The following DIP2B variants were observed in gnomAD, a reference collection of about 807,000 sequenced individuals.
DIP2B encodes the protein disco-interacting protein 2 homolog B.
In DIP2B, 76 loss-of-function variants were observed where a neutral mutation model predicts 198.0. The ratio of observed to expected loss-of-function variants is 0.38; its 90% CI spans 0.32 to 0.46. The LOEUF (loss-of-function observed/expected upper bound fraction) is 0.46, where lower values mean the gene tolerates loss of function less well. DIP2B is among the 20% of genes least tolerant of loss of function. The pLI is 0.99. For synonymous variants in DIP2B, 701 were observed against 739.1 expected, an observed-to-expected ratio of 0.95 and a Z score of 0.84; for missense variants, 1,559 against 1,978.4, an observed-to-expected ratio of 0.79 and a Z score of 4.02.
intron 1 of DIP2B, among the ~76,000 whole-genome samples, chr12:50,561,394 T>C (rs543264464): frequency 6.6e-6 from 1 of 152,222 alleles, no homozygotes; most frequent in South Asian, 2.1e-4. Flanking sequence ...CTTTATTCAC[T>C]ACCTCCATCT....
intron 1 of DIP2B, among the ~76,000 whole-genome samples, chr12:50,525,956 T>C (rs1958160676): frequency 6.6e-6 from 1 of 152,214 alleles, no homozygotes; most frequent in Non-Finnish European, 1.5e-5. Flanking sequence ...CACTCTCTTT[T>C]ACTTTCTTTT....
chr12:50,517,238 G>T (rs1188452573), intron 1 of DIP2B, among the ~76,000 whole-genome samples: 1 of 151,558 alleles, frequency 6.6e-6, no homozygotes, highest in Admixed American at 6.6e-5. Flanking sequence ...GTTTTAATTA[G>T]ATTTTTTTTT....
intron 3 of DIP2B, among the ~76,000 whole-genome samples, chr12:50,653,328 C>CTTTTTTTTTTTTTTTTTTCT (rs71086465): frequency 8.6e-6 from 1 of 116,290 alleles, no homozygotes; most frequent in Non-Finnish European, 1.7e-5. Context: ...GTCTTTCTTT[C>CTTTTTTTTTTTTTTTTTTCT]TTTTTTTTTT....
chr12:50,512,932 G>A (rs971022167), intron 1 of DIP2B, among the ~76,000 whole-genome samples: 2 of 152,134 alleles, frequency 1.3e-5, no homozygotes, highest in African/African-American at 4.8e-5. Flanking sequence ...GCTTGAACCC[G>A]GGAGGCGGAG....
At chr12:50,532,957 G>C (rs1485446899) in intron 1 of DIP2B, among the ~76,000 whole-genome samples, 2 of 152,190 alleles carry the variant, frequency 1.3e-5, no homozygotes, top group Non-Finnish European at 2.9e-5. Context: ...GTTTTTCAGT[G>C]ATCTATTTCT....
chr12:50,729,748 T>TA (rs1390538425), intron 30 of DIP2B, among the ~76,000 whole-genome samples: 3 of 143,442 alleles, frequency 2.1e-5, no homozygotes, highest in South Asian at 2.2e-4. Flanking sequence ...TTTTTTTTTT[T>TA]AATCAGTGTC....
At chr12:50,713,751 T>A (rs569681586) in intron 22 of DIP2B, among the ~76,000 whole-genome samples, 2 of 152,154 alleles carry the variant, frequency 1.3e-5, no homozygotes, top group African/African-American at 4.8e-5. Context: ...CCAAAACAAA[T>A]TTCTAGGTTT....
intron 3 of DIP2B, among the ~76,000 whole-genome samples, chr12:50,647,310 G>A (rs1425208428): frequency 6.6e-6 from 1 of 152,186 alleles, no homozygotes; most frequent in African/African-American, 2.4e-5. Flanking sequence ...AGGTGACACA[G>A]AAGAGGGAGA....
At chr12:50,566,879 G>A (rs571601903) in intron 1 of DIP2B, among the ~76,000 whole-genome samples, 1 of 151,894 alleles carries the variant, frequency 6.6e-6, no homozygotes, top group African/African-American at 2.4e-5. Context: ...GGCTGAGGCA[G>A]GAGAATGGTG....
chr12:50,680,434 G>A (rs1186166159), intron 8 of DIP2B, among the ~76,000 whole-genome samples: 1 of 152,134 alleles, frequency 6.6e-6, no homozygotes. Flanking sequence ...ACCAGGATGA[G>A]CATCTGGTGA....
chr12:50,705,520 T>G (rs1302902781), intron 20 of DIP2B, among the ~76,000 whole-genome samples: 1 of 152,246 alleles, frequency 6.6e-6, no homozygotes, highest in Non-Finnish European at 1.5e-5. Flanking sequence ...TGCAACACTT[T>G]CACTTATTGG....
Position 50,718,194 on chromosome 12 carries a change from G to A in DIP2B, c.2852-515G>A, listed in dbSNP as rs373303002. Among the ~76,000 whole-genome samples, 222 of 152,222 alleles carry A rather than the reference G, an allele frequency of 1.5e-3. 2 individuals carry two copies. Among genetic ancestry groups the A allele is most frequent in the African/African-American group, 4.6e-3 (191 of 41,528 alleles). ...ATTACAGGCGTGAGCCACCATTCCC[G>A]GCCATTATTCACTTTTAATTGAACA... On this transcript the variant is annotated intron_variant, in intron 23 of 37. Transcript: ENST00000301180.
rs191870202 is a variant in DIP2B at position 50,733,743 on chromosome 12, A to G, written c.3982-392A>G. ...ATAAGGCAAATATAGGCATGGACAA[A>G]GTGAGTGAAAGAAGATAGCACACAT... On this transcript the variant is annotated intron_variant, in intron 32 of 37. Transcript: ENST00000301180. Among the ~76,000 whole-genome samples, 5 of 152,358 alleles carry G rather than the reference A, an allele frequency of 3.3e-5. No individual in the cohort carries two copies. The East Asian group carries it at 9.6e-4, about 29-fold the overall frequency.
At chr12:50,658,119 AAC>A (rs1453260940) in intron 3 of DIP2B, among the ~76,000 whole-genome samples, 1 of 151,918 alleles carries the variant, frequency 6.6e-6, no homozygotes, top group Non-Finnish European at 1.5e-5. Context: ...AAAAAAGAAA[AAC>A]AAGAATTTCT....
chr12:50,728,645 G>A lies in DIP2B; in HGVS notation c.3608G>A (p.Cys1203Tyr). Reference protein sequence around the residue: ...RQIAICLDPYCGLGFALWCLC... With the variant: ...RQIAICLDPYYGLGFALWCLC... ...ATCGCCATCTGCCTTGACCCTTACTGTGGACTTGGCTTCGCGCTCTGGTGT... is the reference window on the plus strand; with the variant it reads ...ATCGCCATCTGCCTTGACCCTTACTATGGACTTGGCTTCGCGCTCTGGTGT... The change falls in exon 30 of 38, where the codon TGT (cysteine) becomes TAT (tyrosine). Residue 1203 changes from cysteine (C) to tyrosine (Y), a missense_variant. Transcript: ENST00000301180. 1.2e-6 allele frequency: 2 copies of A among 1,614,084 alleles called. No individual in the cohort carries two copies. Among genetic ancestry groups the A allele is most frequent in the Non-Finnish European group, 1.7e-6 (2 of 1,180,004 alleles).
At chr12:50,617,625 A>G (rs1937724128) in intron 1 of DIP2B, among the ~76,000 whole-genome samples, 1 of 151,968 alleles carries the variant, frequency 6.6e-6, no homozygotes, top group Non-Finnish European at 1.5e-5. Context: ...CCTGGCCAAC[A>G]TGGTGAAACC....
At position 50,698,464 on chromosome 12, in the gene DIP2B, G is replaced by C. The variant is rs201439863; in HGVS notation, c.2185G>C (p.Gly729Arg). The change falls in exon 18 of 38, where the codon GGT becomes CGT. Residue 729 changes from glycine to arginine, a missense_variant. By Grantham distance (125) the Gly-to-Arg change is moderately radical. Coordinates refer to ENST00000301180, the MANE Select transcript of DIP2B (RefSeq NM_173602.3). ...CCAGGATGTAGGGCATGTAATGCCT[G>C]GTGGTGAGTCGCAAGGAGCATCATT... ...TVQDVGHVMPGGMMCIVKPDG... is the reference protein window; with the variant it reads ...TVQDVGHVMPRGMMCIVKPDG... The C allele has an allele frequency of 6.2e-7, 1 of 1,611,638 alleles. No individual in the cohort carries two copies. Among genetic ancestry groups the C allele is most frequent in the Non-Finnish European group, 8.5e-7 (1 of 1,178,958 alleles).
chr12:50,728,646 T>C lies in DIP2B; in HGVS notation c.3609T>C (p.Cys1203=), dbSNP rs1592145484. The change falls in exon 30 of 38, where the codon TGT becomes TGC. Residue 1203 remains cysteine, a synonymous_variant. Coordinates refer to ENST00000301180, the MANE Select transcript of DIP2B (RefSeq NM_173602.3). ...TCGCCATCTGCCTTGACCCTTACTG[T>C]GGACTTGGCTTCGCGCTCTGGTGTC... ...RQIAICLDPY[C]GLGFALWCLC... The C allele has an allele frequency of 6.2e-7, 1 of 1,614,132 alleles. No homozygotes were observed. Among genetic ancestry groups the C allele is most frequent in the East Asian group, 2.2e-5 (1 of 44,880 alleles).
intron 1 of DIP2B, among the ~76,000 whole-genome samples, chr12:50,539,726 C>T (rs536341167): frequency 6.6e-6 from 1 of 152,140 alleles, no homozygotes; most frequent in African/African-American, 2.4e-5. Context: ...CTCTGAAGGC[C>T]CCGTGGGCCT....
Sources: gnomAD v4.1 joint callset for allele counts (sites outside exome capture counted in the v4.1 genomes callset) on GRCh38, gnomAD v4.1.1 for gene constraint, MANE v1.5 for transcripts, NCBI Gene and HGNC (gene_info 2026-07-23, HGNC 2026-07-21) for gene names.